Variants in GOLM2 observed in about 807,000 individuals in gnomAD.
GOLM2 encodes golgi membrane protein 2, also known as protein GOLM2.
A neutral mutation model predicts 55.9 loss-of-function variants in GOLM2; 26 were observed. That is an observed-to-expected ratio of 0.47 (90% CI 0.34 to 0.65). The LOEUF is 0.65. Ranked by LOEUF, GOLM2 falls within the 30% of genes least tolerant of loss-of-function variation. The pLI is 0.01. For missense variants in GOLM2, 486 were observed against 531.8 expected (o/e 0.91, Z 0.85); for synonymous variants, 165 against 194.6 (o/e 0.85, Z 1.27).
intron 1 of GOLM2, among the ~76,000 whole-genome samples, chr15:44,314,559 C>CA (rs371029849): frequency 0.013 from 1,012 of 75,544 alleles, 5 homozygotes; most frequent in Middle Eastern, 0.052. Context: ...AACTCCATCT[C>CA]AAAAAAAAAA....
intron 2 of GOLM2, among the ~76,000 whole-genome samples, chr15:44,323,230 G>T (rs370805698): frequency 6.6e-6 from 1 of 152,006 alleles, no homozygotes; most frequent in African/African-American, 2.4e-5. Flanking sequence ...TTTGAGATCT[G>T]TGTCTTAACC....
Position 44,289,049 on chromosome 15 carries a change from A to G in GOLM2, c.20A>G (p.Asn7Ser). 6.2e-7 allele frequency: 1 copy of G among 1,613,366 alleles called. No individual in the cohort carries two copies. Among genetic ancestry groups the G allele is most frequent in the Non-Finnish European group, 8.5e-7 (1 of 1,179,660 alleles). Residue 7 changes from asparagine to serine, a missense_variant, in exon 1 of 10, where the codon AAC (asparagine) becomes AGC (serine). Asn to Ser is a conservative substitution (Grantham distance 46). Transcript: ENST00000299957. This position sits in a 1 kb window ranked among gnomAD's most constrained non-coding sequence, Gnocchi z 4.8. MVGFGANRRAGRLPSLV... is the reference protein window; with the variant it reads MVGFGASRRAGRLPSLV... ...GGCCCCATGGTGGGTTTCGGGGCCA[A>G]CCGGCGGGCTGGCCGCCTGCCCTCT...
chr15:44,396,135 A>G (rs953632156), intron 8 of GOLM2, among the ~76,000 whole-genome samples: 1 of 152,008 alleles, frequency 6.6e-6, no homozygotes, highest in African/African-American at 2.4e-5. Context: ...TGGGCAGATC[A>G]TTTGAAGTCA....
At chr15:44,376,246 C>A (rs2079364271) in intron 6 of GOLM2, among the ~76,000 whole-genome samples, 1 of 151,978 alleles carries the variant, frequency 6.6e-6, no homozygotes, top group African/African-American at 2.4e-5. Context: ...AAAAACAAAA[C>A]AAAACAAAAC....
chr15:44,358,295 A>C (rs2079211215), intron 6 of GOLM2, among the ~76,000 whole-genome samples: 1 of 152,220 alleles, frequency 6.6e-6, no homozygotes, highest in Non-Finnish European at 1.5e-5. Context: ...CGGAGGTTGC[A>C]GTGAGCCAAG....
intron 2 of GOLM2, among the ~76,000 whole-genome samples, chr15:44,325,261 C>T (rs2078973869): frequency 6.6e-6 from 1 of 152,178 alleles, no homozygotes; most frequent in African/African-American, 2.4e-5. Context: ...TACCTCCCTG[C>T]TTTATGATCT....
At chr15:44,386,783 A>G (rs1014382430) in intron 8 of GOLM2, among the ~76,000 whole-genome samples, 6 of 152,096 alleles carry the variant, frequency 3.9e-5, no homozygotes, top group Non-Finnish European at 7.3e-5. Flanking sequence ...AGGTGGGAGG[A>G]TTGCTTGAGC....
intron 1 of GOLM2, among the ~76,000 whole-genome samples, chr15:44,314,536 G>T (rs1567023285): frequency 6.7e-6 from 1 of 149,600 alleles, no homozygotes; most frequent in East Asian, 2.0e-4. Context: ...TCCACTCTGG[G>T]CAATAAGAGT....
At chr15:44,343,311 A>G (rs2079100859) in intron 6 of GOLM2, among the ~76,000 whole-genome samples, 1 of 151,240 alleles carries the variant, frequency 6.6e-6, no homozygotes, top group South Asian at 2.1e-4. Flanking sequence ...CCAACCTGGA[A>G]GACAGAAAAA....
intron 6 of GOLM2, among the ~76,000 whole-genome samples, chr15:44,358,455 C>T (rs949669866): frequency 5.9e-5 from 9 of 152,128 alleles, no homozygotes; most frequent in African/African-American, 1.7e-4. Flanking sequence ...TACTCGACCT[C>T]GAGACTTAAT....
At chr15:44,298,724 T>A (rs1022347662) in intron 1 of GOLM2, among the ~76,000 whole-genome samples, 6 of 152,300 alleles carry the variant, frequency 3.9e-5, no homozygotes, top group African/African-American at 1.4e-4. Context: ...TGTTTTAAAT[T>A]TTTTCCTGCG....
chr15:44,354,693 T>C (rs80246083), intron 6 of GOLM2: 5,013 of 161,980 alleles, frequency 0.031, 289 homozygotes, highest in African/African-American at 0.11. Context: ...CCTGAGACAG[T>C]TGGTGAAATT....
At position 44,289,348 on chromosome 15, in the gene GOLM2, G is replaced by T. The variant is rs770786408; in HGVS notation, c.319G>T (p.Asp107Tyr). Residue 107 changes from aspartate to tyrosine, a missense_variant, in exon 1 of 10, where the codon GAT (aspartate) becomes TAT (tyrosine). Asp to Tyr is a radical substitution (Grantham distance 160, BLOSUM62 -3). Coordinates refer to ENST00000299957, the MANE Select transcript of GOLM2 (RefSeq NM_138423.4). This position sits in a 1 kb window ranked among gnomAD's most constrained non-coding sequence, Gnocchi z 4.8. ...AREGLGKRCEDDKVKLQNNIS... is the reference protein window; with the variant it reads ...AREGLGKRCEYDKVKLQNNIS... ...AGAGGGCCTCGGGAAGAGATGCGAG[G>T]ATGACAAGGTAAGGACGACCCTTTT... 1.9e-6 allele frequency: 3 copies of T among 1,611,792 alleles called. No homozygotes were observed. The South Asian group carries it at 3.3e-5, about 18-fold the overall frequency.
At chr15:44,387,809 T>C (rs569376977) in intron 8 of GOLM2, among the ~76,000 whole-genome samples, 61 of 152,124 alleles carry the variant, frequency 4.0e-4, no homozygotes, top group African/African-American at 1.4e-3. Flanking sequence ...TGTGTTGATC[T>C]TGTATCATGC....
chr15:44,357,420 T>C (rs958414603), intron 6 of GOLM2, among the ~76,000 whole-genome samples: 3 of 152,056 alleles, frequency 2.0e-5, no homozygotes, highest in African/African-American at 7.2e-5. Context: ...ATACAGAATA[T>C]CTACAAAAAA....
intron 1 of GOLM2, among the ~76,000 whole-genome samples, chr15:44,295,297 C>G (rs571508915): frequency 2.6e-5 from 4 of 152,218 alleles, no homozygotes; most frequent in African/African-American, 7.2e-5. Context: ...CCAGGCTGGT[C>G]TTTAACTCCT....
At chr15:44,396,080 T>TGTG (rs2141207978) in intron 8 of GOLM2, among the ~76,000 whole-genome samples, 2 of 152,118 alleles carry the variant, frequency 1.3e-5, no homozygotes, top group Admixed American at 1.3e-4. Flanking sequence ...TGAGGCCAGG[T>TGTG]GTGGTGGCTC....
Position 44,289,652 on chromosome 15 carries a change from C to G in GOLM2, c.327+296C>G, listed in dbSNP as rs932130885. ...GAGTTGGCAGTAGTAATCATCTGGC[C>G]TGTGTGGCCCCCTTACCTTCAAAGA... On this transcript the variant is annotated intron_variant, in intron 1 of 9. Transcript: ENST00000299957. The surrounding 1 kb of genome is among the most constrained non-coding windows in gnomAD (Gnocchi z 4.8). Among the ~76,000 whole-genome samples, 4 of 152,326 alleles carry G rather than the reference C, an allele frequency of 2.6e-5. No homozygotes were observed. Among genetic ancestry groups the G allele is most frequent in the African/African-American group, 9.6e-5 (4 of 41,580 alleles).
intron 8 of GOLM2, chr15:44,387,496 C>T (rs1467361026): frequency 6.6e-6 from 1 of 152,266 alleles, no homozygotes; most frequent in East Asian, 1.9e-4. Flanking sequence ...GGCCTGATGG[C>T]TCATGCCTGT....
Sources: gnomAD v4.1 joint callset for allele counts (sites outside exome capture counted in the v4.1 genomes callset) on GRCh38, gnomAD v4.1.1 for gene constraint, Gnocchi (gnomAD v3.1) non-coding constraint, MANE v1.5 for transcripts, NCBI Gene and HGNC (gene_info 2026-07-23, HGNC 2026-07-21) for gene names.